The following RHOH variants were observed in gnomAD, a reference collection of about 807,000 sequenced individuals.
RHOH encodes the protein rho-related GTP-binding protein RhoH.
A neutral mutation model predicts 13.8 loss-of-function variants in RHOH; 6 were observed. The ratio of observed to expected loss-of-function variants is 0.44; its 90% CI spans 0.24 to 0.86. The LOEUF is 0.86. Among genes scored for constraint, RHOH ranks in the 40% least tolerant of loss-of-function variants. The probability of loss-of-function intolerance (pLI) is 0.24; values close to 1 mark genes in which losing one functional copy is unlikely to be tolerated. For missense variants in RHOH, 147 were observed against 244.5 expected (o/e 0.60, Z 2.66); for synonymous variants, 117 against 103.0 (o/e 1.14, Z -0.82).
intron 1 of RHOH, among the ~76,000 whole-genome samples, chr4:40,223,100 A>G (rs1726780764): frequency 6.6e-6 from 1 of 152,250 alleles, no homozygotes; most frequent in Admixed American, 6.5e-5. Flanking sequence ...TGCTTCTTAC[A>G]GATGAGCCAA....
At chr4:40,202,916 A>AT (rs1389630284) in intron 1 of RHOH, among the ~76,000 whole-genome samples, 1 of 152,164 alleles carries the variant, frequency 6.6e-6, no homozygotes, top group Non-Finnish European at 1.5e-5. Flanking sequence ...AAAGGAAATG[A>AT]TTTTTGTAGA....
chr4:40,217,611 A>G (rs1201766233), intron 1 of RHOH, among the ~76,000 whole-genome samples: 4 of 152,180 alleles, frequency 2.6e-5, no homozygotes, highest in Admixed American at 2.0e-4. Context: ...TTTTCCCCAC[A>G]TTATTAAATA....
intron 1 of RHOH, among the ~76,000 whole-genome samples, chr4:40,214,214 C>T (rs1002079897): frequency 3.3e-5 from 5 of 152,146 alleles, no homozygotes; most frequent in African/African-American, 1.2e-4. Flanking sequence ...AGGAAGCTTT[C>T]TGATGAATGT....
intron 1 of RHOH, among the ~76,000 whole-genome samples, chr4:40,208,553 C>T (rs1381863855): frequency 6.6e-6 from 1 of 152,156 alleles, no homozygotes; most frequent in East Asian, 1.9e-4. Flanking sequence ...CTTCTTCTCT[C>T]CACTTAATAT....
intron 1 of RHOH, among the ~76,000 whole-genome samples, chr4:40,201,178 G>T (rs1338610128): frequency 1.3e-5 from 2 of 152,040 alleles, no homozygotes; most frequent in Admixed American, 1.3e-4. Context: ...ATGGAAAAAA[G>T]CACGGTAAAA....
intron 1 of RHOH, among the ~76,000 whole-genome samples, chr4:40,235,604 AAAAAG>A (rs1728469813): frequency 6.8e-6 from 1 of 146,248 alleles, no homozygotes; most frequent in Non-Finnish European, 1.5e-5. Flanking sequence ...AAAAAAAAAA[AAAAAG>A]AAAAAAGAAA....
chr4:40,191,715 A>G (rs944675340), upstream of RHOH, among the ~76,000 whole-genome samples: 2 of 152,242 alleles, frequency 1.3e-5, no homozygotes, highest in African/African-American at 4.8e-5. Flanking sequence ...AGATCAATAC[A>G]GTAATCCAGG....
upstream of RHOH, chr4:40,196,926 G>T (rs1319945185): frequency 6.6e-6 from 1 of 152,030 alleles, no homozygotes; most frequent in Non-Finnish European, 1.5e-5. Flanking sequence ...GGAGAGAAAC[G>T]CACGTGCACA....
upstream of RHOH, among the ~76,000 whole-genome samples, chr4:40,193,324 A>AC (rs1722798875): frequency 1.3e-5 from 2 of 152,102 alleles, no homozygotes; most frequent in South Asian, 4.2e-4. Context: ...ATTTCTCCCA[A>AC]CCCCATCCCA....
chr4:40,227,723 TAA>T (rs1727421350), intron 1 of RHOH, among the ~76,000 whole-genome samples: 2 of 152,186 alleles, frequency 1.3e-5, no homozygotes, highest in African/African-American at 4.8e-5. Flanking sequence ...AAAAGGATTT[TAA>T]AAGTCATTAA....
rs541922383 is a variant in RHOH at position 40,204,242 on chromosome 4, T to C, written c.-331+6942T>C. Among the ~76,000 whole-genome samples the C allele has an allele frequency of 1.1e-4, 16 of 152,324 alleles. No homozygotes were observed. In the East Asian group the frequency reaches 2.7e-3, roughly 26 times the overall value. ...AGATGATTCTTTTACTTTAATCACA[T>C]TCCCCATCGTCAGGGCCTCTGATCT... On this transcript the variant is annotated intron_variant, in intron 1 of 2. Transcript: ENST00000381799.
chr4:40,196,197 T>C (rs1723116642), upstream of RHOH, among the ~76,000 whole-genome samples: 1 of 152,002 alleles, frequency 6.6e-6, no homozygotes, highest in African/African-American at 2.4e-5. Context: ...AGGCATGGAG[T>C]TGACTTTATC....
chr4:40,200,715 G>GT (rs1404087236), intron 1 of RHOH: 1 of 152,190 alleles, frequency 6.6e-6, no homozygotes, highest in Admixed American at 6.5e-5. Context: ...ATATGAGGAT[G>GT]TTTAGCTCAG....
Position 40,244,887 on chromosome 4 carries a change from C to G in RHOH, c.*925C>G, listed in dbSNP as rs1729666207. On this transcript the variant is annotated 3_prime_UTR_variant, in exon 3 of 3. Transcript: ENST00000381799. Reference sequence around the variant, plus strand: ...GGGTCTCAAAGTTCTGTTAATTTCACAAATTTGTTATAAATTTGTCTAAAC... The same window carrying G: ...GGGTCTCAAAGTTCTGTTAATTTCAGAAATTTGTTATAAATTTGTCTAAAC... The G allele has an allele frequency of 6.1e-6, 1 of 163,222 alleles. No individual in the cohort carries two copies. Among genetic ancestry groups the G allele is most frequent in the Non-Finnish European group, 1.3e-5 (1 of 74,610 alleles). 10.1% of individuals were successfully genotyped at this position (163,222 alleles called of 1,614,324 possible). A position where few individuals can be genotyped will look rare whatever the true frequency, so the allele number is the denominator to read the frequency against.
chr4:40,243,492 A>T lies in RHOH; in HGVS notation c.106A>T (p.Thr36Ser). ...SETFPEAYKP[T>S]VYENTGVDVF... ...GACCTTCCCGGAGGCCTACAAGCCC[A>T]CAGTGTACGAGAACACAGGGGTGGA... Residue 36 changes from threonine to serine, a missense_variant, in exon 3 of 3, where the codon ACA becomes TCA. Transcript: ENST00000381799. This position sits in a 1 kb window ranked among gnomAD's most constrained non-coding sequence, Gnocchi z 6.2. The T allele has an allele frequency of 6.2e-7, 1 of 1,613,704 alleles. No individual in the cohort carries two copies. Among genetic ancestry groups the T allele is most frequent in the Non-Finnish European group, 8.5e-7 (1 of 1,179,936 alleles).
intron 1 of RHOH, among the ~76,000 whole-genome samples, chr4:40,236,849 C>T (rs1728642731): frequency 6.6e-6 from 1 of 151,552 alleles, no homozygotes; most frequent in Non-Finnish European, 1.5e-5. Context: ...TCTGCACATA[C>T]ACTTATGTAC....
intron 1 of RHOH, among the ~76,000 whole-genome samples, chr4:40,219,418 A>G (rs1364605925): frequency 1.3e-5 from 2 of 152,066 alleles, no homozygotes; most frequent in East Asian, 3.9e-4. Context: ...CTCAAAAAAA[A>G]AAAAAAAAAA....
intron 1 of RHOH, among the ~76,000 whole-genome samples, chr4:40,222,615 C>T (rs774684018): frequency 7.2e-5 from 11 of 152,212 alleles, no homozygotes; most frequent in Non-Finnish European, 1.3e-4. Flanking sequence ...TATTACAGCT[C>T]ATGGACAACG....
Position 40,233,394 on chromosome 4 carries a change from G to A in RHOH, c.-330-9320G>A, listed in dbSNP as rs533454512. ...GCAGTATGGTTCCAGAGTCTGTGCT[G>A]TAGACACTATGCATAGTTGACTTTG... On this transcript the variant is annotated intron_variant, in intron 1 of 2. Transcript: ENST00000381799. Among the ~76,000 whole-genome samples, 64 of 116,156 alleles carry A rather than the reference G, an allele frequency of 5.5e-4. 1 individual carries two copies. Among genetic ancestry groups the A allele is most frequent in the African/African-American group, 2.3e-3 (60 of 25,646 alleles). The allele number at this position is 116,156 out of a possible 152,430, so 76.2% of individuals were successfully genotyped here.
Sources: allele counts gnomAD v4.1 joint callset (sites outside exome capture counted in the v4.1 genomes callset), GRCh38; gene constraint gnomAD v4.1.1; non-coding constraint Gnocchi (gnomAD v3.1); transcripts MANE v1.5; gene names NCBI Gene and HGNC (gene_info 2026-07-23, HGNC 2026-07-21).